The following TRRAP variants were observed in gnomAD, a reference collection of about 807,000 sequenced individuals.
TRRAP encodes transformation/transcription domain-associated protein.
A neutral mutation model predicts 438.8 loss-of-function variants in TRRAP; 41 were observed. That is an observed-to-expected ratio of 0.09 (90% confidence interval 0.07 to 0.12). The LOEUF is 0.12. Ranked by LOEUF, TRRAP falls within the 10% of genes least tolerant of loss-of-function variation. TRRAP has a pLI of 1.00. For missense variants in TRRAP, 3,122 were observed against 5,055.1 expected (o/e 0.62, Z 11.60); for synonymous variants, 1,994 against 1,962.9 (o/e 1.02, Z -0.42).
chr7:98,881,751 T>TTGTG, intron 2 of TRRAP: 1 of 477,794 alleles, frequency 2.1e-6, no homozygotes. Context: ...GTGTGTGTGT[T>TTGTG]TGTGTGTGTG....
chr7:98,878,763 C>T (rs539253414), intron 1 of TRRAP, 126 bp downstream of exon 1: 2 of 151,830 alleles, frequency 1.3e-5, no homozygotes, highest in African/African-American at 2.4e-5. Context: ...GCCCCGGGAT[C>T]CCCTAGGCCC....
chr7:98,959,481 G>A lies in TRRAP; in HGVS notation c.6480G>A (p.Leu2160=). The change falls in exon 45 of 73, where the codon CTG becomes CTA. Residue 2160 remains leucine, a synonymous_variant. Coordinates refer to ENST00000456197, the MANE Select transcript of TRRAP (RefSeq NM_001375524.1). ...ELKLQWFDKL[L]MTVEQPNQVN... is the part of the protein sequence containing the mutation. ...AGCTGCAGTGGTTCGACAAGCTGCTGATGACTGTGGTGAGTGCGAGTGTCT... is the reference window on the plus strand; with the variant it reads ...AGCTGCAGTGGTTCGACAAGCTGCTAATGACTGTGGTGAGTGCGAGTGTCT... 6.2e-7 allele frequency: 1 copy of A among 1,613,646 alleles called. No homozygotes were observed.
At chr7:98,950,330 CCTTTT>C in intron 38 of TRRAP, 68 bp downstream of exon 38, 1 of 1,559,916 alleles carries the variant, frequency 6.4e-7, no homozygotes, top group Non-Finnish European at 8.7e-7. Flanking sequence ...AACTTTGGGC[CCTTTT>C]CTTTTTTTGC....
At chr7:98,888,231 A>G (rs78133236) in intron 3 of TRRAP, among the ~76,000 whole-genome samples, 10 of 145,852 alleles carry the variant, frequency 6.9e-5, no homozygotes, top group African/African-American at 2.3e-4. Context: ...CTCCATCTCA[A>G]AAAAAAAAAA....
At position 99,012,356 on chromosome 7, in the gene TRRAP, CTG is replaced by C. The variant is rs754605545; in HGVS notation, c.*4_*5del. ...CCCCGCCTGGCACCCCTGGCTGTGA[CTG>C]TGGCCGCCACGGCCACCCGGAATGT... On this transcript the variant is annotated 3_prime_UTR_variant, in exon 73 of 73. Transcript: ENST00000456197. This position sits in a 1 kb window ranked among gnomAD's most constrained non-coding sequence, Gnocchi z 5.9. The C allele has an allele frequency of 6.9e-6, 11 of 1,590,072 alleles. No homozygotes were observed. Among genetic ancestry groups the C allele is most frequent in the Non-Finnish European group, 9.4e-6 (11 of 1,167,304 alleles).
rs1554407921 is a variant in TRRAP at position 98,908,685 on chromosome 7, T to G, written c.1116-43T>G. The stretch of plus-strand genomic sequence containing the variant: ...CCTTGGTGGCCTGCTGCAGCAGGCA[T>G]GGCCACGTGGGAATGAGCACTAGTC... On this transcript the variant is annotated intron_variant, in intron 13 of 72. Coordinates refer to ENST00000456197, the MANE Select transcript of TRRAP (RefSeq NM_001375524.1). This position sits in a 1 kb window ranked among gnomAD's most constrained non-coding sequence, Gnocchi z 4.1. 3 of 1,522,268 alleles carry G rather than the reference T, an allele frequency of 2.0e-6. No individual in the cohort carries two copies. Among genetic ancestry groups the G allele is most frequent in the Non-Finnish European group, 1.8e-6 (2 of 1,132,466 alleles). 94.3% of individuals were successfully genotyped at this position (1,522,268 alleles called of 1,614,324 possible). A position where few individuals can be genotyped will look rare whatever the true frequency, so the allele number is the denominator to read the frequency against.
intron 35 of TRRAP, 83 bp from the exon 36 acceptor site, chr7:98,949,334 T>C: frequency 7.4e-6 from 10 of 1,356,558 alleles, no homozygotes; most frequent in Non-Finnish European, 9.6e-6. Context: ...TTAAAAGATT[T>C]AGAAAGATTT....
At chr7:98,904,977 G>T (rs1336899061) in intron 12 of TRRAP, among the ~76,000 whole-genome samples, 1 of 152,152 alleles carries the variant, frequency 6.6e-6, no homozygotes, top group African/African-American at 2.4e-5. Context: ...AGAGCCAGTG[G>T]TTTGAGAAAA....
At chr7:98,938,267 A>C (rs998847355) in intron 30 of TRRAP, among the ~76,000 whole-genome samples, 4 of 152,148 alleles carry the variant, frequency 2.6e-5, no homozygotes, top group Admixed American at 1.3e-4. Flanking sequence ...TGAGCATGGG[A>C]GGCAAAGGTT....
intron 63 of TRRAP, 60 bp from the exon 64 acceptor site, chr7:98,990,395 T>C (rs1793379689): frequency 6.3e-7 from 1 of 1,583,590 alleles, no homozygotes; most frequent in Non-Finnish European, 8.6e-7. Flanking sequence ...GGGGAAAAAG[T>C]CTCTTGCTTG....
At chr7:98,880,803 ATATCTAC>A (rs1795395693) in intron 1 of TRRAP, among the ~76,000 whole-genome samples, 1 of 152,202 alleles carries the variant, frequency 6.6e-6, no homozygotes, top group African/African-American at 2.4e-5. Context: ...AAAGATTAAA[ATATCTAC>A]TATGTGGCTC....
rs1328752459 is a variant in TRRAP at position 98,910,971 on chromosome 7, T to C, written c.1813-106T>C. 4.3e-6 allele frequency: 4 copies of C among 927,960 alleles called. No homozygotes were observed. In the East Asian group the frequency reaches 8.4e-5, roughly 20 times the overall value. 57.5% of individuals were successfully genotyped at this position (927,960 alleles called of 1,614,324 possible). On this transcript the variant is annotated intron_variant, in intron 16 of 72. Transcript: ENST00000456197. ...TTGGAGGGGGACATTTGTTATCTAA[T>C]TTAAGTGCTCTATTTTAAGTATGCA...
chr7:98,883,814 G>A (rs781979442), intron 3 of TRRAP, among the ~76,000 whole-genome samples: 4 of 152,140 alleles, frequency 2.6e-5, no homozygotes, highest in Non-Finnish European at 4.4e-5. Flanking sequence ...GTGCCCAACC[G>A]TCTAGTAATT....
chr7:98,961,266 G>A lies in TRRAP; in HGVS notation c.6495G>A (p.Gln2165=), dbSNP rs762826395. ...WFDKLLMTVE[Q]PNQVNYGNIC... is the part of the protein sequence containing the mutation. ...GCCTGTGTTGTCCATTGCAGGAGCA[G>A]CCAAACCAAGTGAACTATGGGAATA... is the stretch of plus-strand genomic sequence containing the variant. Residue 2165 remains glutamine, a synonymous_variant, in exon 46 of 73, where the codon CAG becomes CAA. Transcript: ENST00000456197. 1 of 1,614,044 alleles carries A rather than the reference G, an allele frequency of 6.2e-7. No individual in the cohort carries two copies. Among genetic ancestry groups the A allele is most frequent in the South Asian group, 1.1e-5 (1 of 91,074 alleles).
At chr7:98,900,574 TA>T in intron 10 of TRRAP, 49 bp from the exon 11 acceptor site, 1 of 1,483,020 alleles carries the variant, frequency 6.7e-7, no homozygotes, top group Non-Finnish European at 9.3e-7. Context: ...TAATTAATAC[TA>T]ACATCACTCA....
chr7:98,981,693 T>A, intron 58 of TRRAP, 76 bp from the exon 59 acceptor site: 2 of 1,457,546 alleles, frequency 1.4e-6, no homozygotes, highest in South Asian at 2.7e-5. Context: ...AAAAAAGTGA[T>A]CTTTTTCCTG....
At position 98,955,277 on chromosome 7, in the gene TRRAP, T is replaced by C. The variant is rs1554419346; in HGVS notation, c.5910T>C (p.Ile1970=). 1.9e-6 allele frequency: 3 copies of C among 1,613,786 alleles called. No homozygotes were observed. The African/African-American group carries it at 4.0e-5, about 22-fold the overall frequency. ...EGHTVPQLVH[I]LHLIVQHFKV... ...ACACCGTCCCGCAGCTGGTCCACAT[T>C]CTGCACCTGATAGTGCAACACTTCA... Residue 1970 remains isoleucine, a synonymous_variant, in exon 41 of 73, where the codon ATT becomes ATC. Coordinates refer to ENST00000456197, the MANE Select transcript of TRRAP (RefSeq NM_001375524.1).
At chr7:98,890,539 C>T (rs1795917326) in intron 4 of TRRAP, 94 bp downstream of exon 4, 12 of 857,502 alleles carry the variant, frequency 1.4e-5, no homozygotes, top group South Asian at 2.5e-5. Context: ...CACTTAAAAA[C>T]GAAAGAGGTT....
At chr7:98,984,453 A>C in intron 61 of TRRAP, 95 bp downstream of exon 61, 1 of 1,431,380 alleles carries the variant, frequency 7.0e-7, no homozygotes, top group Non-Finnish European at 9.3e-7. Context: ...GAATATAAGG[A>C]AGGTGGACTC....
Sources: allele counts gnomAD v4.1 joint callset (sites outside exome capture counted in the v4.1 genomes callset), GRCh38; gene constraint gnomAD v4.1.1; non-coding constraint Gnocchi (gnomAD v3.1); transcripts MANE v1.5; gene names NCBI Gene and HGNC (gene_info 2026-07-23, HGNC 2026-07-21).